PCCA: variants seen among roughly 807,000 people sequenced by gnomAD.
PCCA encodes the protein propionyl-CoA carboxylase alpha chain, mitochondrial.
PCCA carries 74 observed loss-of-function variants against 101.3 expected under a neutral mutation model. The observed-to-expected ratio is 0.73, with a 90% confidence interval of 0.61 to 0.89. The LOEUF (loss-of-function observed/expected upper bound fraction) is 0.89, where lower values mean the gene tolerates loss of function less well. PCCA is among the 40% of genes least tolerant of loss of function. The pLI is 0.00. For missense variants in PCCA, 891 were observed against 907.0 expected, an observed-to-expected ratio of 0.98 and a Z score of 0.23; for synonymous variants, 294 against 313.6, an observed-to-expected ratio of 0.94 and a Z score of 0.66.
intron 12 of PCCA, among the ~76,000 whole-genome samples, chr13:100,283,396 G>A (rs1319822664): frequency 6.6e-6 from 1 of 152,120 alleles, no homozygotes; most frequent in Non-Finnish European, 1.5e-5. Flanking sequence ...AAGGACTAAG[G>A]AGAATTAGAA....
At chr13:100,138,966 G>T (rs1339923349) in intron 4 of PCCA, among the ~76,000 whole-genome samples, 1 of 141,654 alleles carries the variant, frequency 7.1e-6, no homozygotes. Flanking sequence ...AAGAAAGAAA[G>T]AAAATGTCTT....
chr13:100,187,655 T>G (rs1348438890), intron 6 of PCCA, among the ~76,000 whole-genome samples: 1 of 152,190 alleles, frequency 6.6e-6, no homozygotes, highest in African/African-American at 2.4e-5. Flanking sequence ...TTCTCAGTAC[T>G]GTAAGGTTCT....
chr13:100,157,248 AT>A (rs1188472719), intron 5 of PCCA, 38 bp from the exon 6 acceptor site: 1 of 1,436,388 alleles, frequency 7.0e-7, no homozygotes, highest in South Asian at 1.1e-5. Context: ...CTTTTGCAAT[AT>A]GATAAAATTG....
chr13:100,437,242 A>G (rs893966431), intron 20 of PCCA, among the ~76,000 whole-genome samples: 1 of 152,138 alleles, frequency 6.6e-6, no homozygotes. Context: ...CACCTGCTTT[A>G]AGTACGCTGC....
At chr13:100,465,774 G>A (rs1013685106) in intron 21 of PCCA, among the ~76,000 whole-genome samples, 3 of 152,210 alleles carry the variant, frequency 2.0e-5, no homozygotes, top group African/African-American at 7.2e-5. Flanking sequence ...CTTGGTTGGG[G>A]AGAGACTCCA....
intron 6 of PCCA, among the ~76,000 whole-genome samples, chr13:100,187,603 T>A (rs2057390776): frequency 6.6e-6 from 1 of 152,234 alleles, no homozygotes; most frequent in South Asian, 2.1e-4. Context: ...TATAGCTATA[T>A]CTTGACTAGT....
intron 18 of PCCA, among the ~76,000 whole-genome samples, chr13:100,341,450 C>T (rs1490703051): frequency 6.6e-6 from 1 of 152,064 alleles, no homozygotes; most frequent in Non-Finnish European, 1.5e-5. Flanking sequence ...AGGCACTAGC[C>T]ATGTATGGCA....
chr13:100,449,247 T>C lies in PCCA; in HGVS notation c.1846-5T>C. On this transcript the variant is annotated splice_polypyrimidine_tract_variant and splice_region_variant and intron_variant, in intron 20 of 23. Transcript: ENST00000376285. ...TTCATTTTATATCTCTTGTTTGTTT[T>C]TTAGTGTCTTTCTCGAGAAGCAGGT... 1 of 1,533,048 alleles carries C rather than the reference T, an allele frequency of 6.5e-7. No individual in the cohort carries two copies. 95.0% of individuals were successfully genotyped at this position (1,533,048 alleles called of 1,614,324 possible). A position where few individuals can be genotyped will look rare whatever the true frequency, so the allele number is the denominator to read the frequency against.
chr13:100,170,038 T>G (rs2055478813), intron 6 of PCCA, among the ~76,000 whole-genome samples: 1 of 152,202 alleles, frequency 6.6e-6, no homozygotes, highest in Non-Finnish European at 1.5e-5. Flanking sequence ...TCACTCAGGC[T>G]TTCTGGAGGT....
chr13:100,515,613 T>G lies in PCCA; in HGVS notation c.2040+46T>G. 3.1e-6 allele frequency: 5 copies of G among 1,607,376 alleles called. No individual in the cohort carries two copies. The South Asian group carries it at 5.5e-5, about 18-fold the overall frequency. On this transcript the variant is annotated intron_variant, in intron 22 of 23. Coordinates refer to ENST00000376285, the MANE Select transcript of PCCA (RefSeq NM_000282.4). ...TCTGCAGGACATGCTGGTCTCCAAC[T>G]TCCCCTTCCAAAGCGACGGCTAACG...
intron 20 of PCCA, among the ~76,000 whole-genome samples, chr13:100,426,899 G>A (rs2079183802): frequency 6.6e-6 from 1 of 152,060 alleles, no homozygotes; most frequent in Non-Finnish European, 1.5e-5. Flanking sequence ...ACATTACTTA[G>A]ATCCATGTAT....
intron 12 of PCCA, among the ~76,000 whole-genome samples, chr13:100,285,637 C>T (rs894128098): frequency 5.3e-5 from 8 of 152,154 alleles, no homozygotes; most frequent in African/African-American, 1.9e-4. Context: ...TACTTAGATA[C>T]CAGGTGCTCC....
At chr13:100,204,838 G>A (rs996073271) in intron 6 of PCCA, among the ~76,000 whole-genome samples, 1 of 152,068 alleles carries the variant, frequency 6.6e-6, no homozygotes, top group African/African-American at 2.4e-5. Flanking sequence ...GAAGTGTAGT[G>A]GCTAGTCATA....
chr13:100,317,594 G>A (rs920473409), intron 16 of PCCA, among the ~76,000 whole-genome samples: 2 of 151,878 alleles, frequency 1.3e-5, no homozygotes, highest in African/African-American at 4.8e-5. Flanking sequence ...TGTAATTGTG[G>A]TTGTTGTTTT....
chr13:100,241,406 T>C (rs1417814581), intron 8 of PCCA, among the ~76,000 whole-genome samples: 1 of 152,214 alleles, frequency 6.6e-6, no homozygotes, highest in African/African-American at 2.4e-5. Context: ...GGTTCATCCA[T>C]GTTCTACCGT....
chr13:100,190,124 GA>G (rs1302324647), intron 6 of PCCA, among the ~76,000 whole-genome samples: 1 of 152,124 alleles, frequency 6.6e-6, no homozygotes, highest in Non-Finnish European at 1.5e-5. Context: ...TAATTAATAT[GA>G]TACAATGAGA....
rs1211758745 is a variant in PCCA, at chr13:100,440,592, C to T, written c.1846-8660C>T. Among the ~76,000 whole-genome samples the T allele has an allele frequency of 3.3e-5, 5 of 151,860 alleles. No homozygotes were observed. The East Asian group carries it at 7.8e-4, about 24-fold the overall frequency. ...AAAGCGGCATACATTTTTGCCTGTA[C>T]TTTGCTGGTACACAAATGAATTGGG... is the stretch of plus-strand genomic sequence containing the variant. On this transcript the variant is annotated intron_variant, in intron 20 of 23. Transcript: ENST00000376285.
intron 6 of PCCA, among the ~76,000 whole-genome samples, chr13:100,208,137 G>A (rs1282929904): frequency 6.6e-6 from 1 of 152,152 alleles, no homozygotes; most frequent in Non-Finnish European, 1.5e-5. Flanking sequence ...CGTGTGCAAA[G>A]TTGGAGTCAT....
At chr13:100,414,059 A>G (rs1393754178) in intron 19 of PCCA, among the ~76,000 whole-genome samples, 1 of 152,236 alleles carries the variant, frequency 6.6e-6, no homozygotes, top group Non-Finnish European at 1.5e-5. Context: ...AGCCAACCTG[A>G]CTGATTGTAG....
Sources: gnomAD v4.1 joint callset for allele counts (sites outside exome capture counted in the v4.1 genomes callset) on GRCh38, gnomAD v4.1.1 for gene constraint, MANE v1.5 for transcripts, NCBI Gene and HGNC (gene_info 2026-07-23, HGNC 2026-07-21) for gene names.